TBX21: variants seen among roughly 807,000 people sequenced by gnomAD.
TBX21 encodes the protein T-box transcription factor 21.
A neutral mutation model predicts 52.2 loss-of-function variants in TBX21; 11 were observed. The observed-to-expected ratio is 0.21, with a 90% CI of 0.13 to 0.35. The LOEUF (loss-of-function observed/expected upper bound fraction) is 0.35, where lower values mean the gene tolerates loss of function less well. Among genes scored for constraint, TBX21 ranks in the 10% least tolerant of loss-of-function variants. The pLI is 1.00. For synonymous variants in TBX21, 300 were observed against 316.1 expected, an observed-to-expected ratio of 0.95 and a Z score of 0.54; for missense variants, 625 against 755.1, an observed-to-expected ratio of 0.83 and a Z score of 2.02.
At position 47,745,639 on chromosome 17, in the gene TBX21, G is replaced by A; in HGVS notation, c.*273G>A. 2.7e-6 allele frequency: 1 copy of A among 372,378 alleles called. No individual in the cohort carries two copies. The highest frequency in any genetic ancestry group is 4.8e-6 in the Non-Finnish European group (1 of 209,666). 23.1% of individuals were successfully genotyped at this position (372,378 alleles called of 1,614,324 possible). ...TGCTGCGTCTTGCTTTTGGTTTCCA[G>A]CTGGAGAAAAGAAGACAAGAAAGTC... On this transcript the variant is annotated 3_prime_UTR_variant, in exon 6 of 6. Coordinates refer to ENST00000177694, the MANE Select transcript of TBX21 (RefSeq NM_013351.2).
chr17:47,734,654 C>T (rs2032188415), intron 1 of TBX21, among the ~76,000 whole-genome samples: 1 of 141,646 alleles, frequency 7.1e-6, no homozygotes, highest in Admixed American at 7.2e-5. Context: ...TGCAGTAAAG[C>T]TTGTAGGGGG....
At position 47,734,046 on chromosome 17, in the gene TBX21, C is replaced by T. The variant is rs1489676551; in HGVS notation, c.491+101C>T. ...CGACAATGCTTCTGACTCCGTGTCC[C>T]TCACTGCTTTGGCTTCAGCGTAGGG... On this transcript the variant is annotated intron_variant, in intron 1 of 5. Transcript: ENST00000177694. 4.4e-6 allele frequency: 7 copies of T among 1,577,838 alleles called. No homozygotes were observed. In the East Asian group the frequency reaches 1.4e-4, roughly 31 times the overall value.
intron 3 of TBX21, among the ~76,000 whole-genome samples, chr17:47,743,964 A>G (rs952822784): frequency 3.3e-5 from 5 of 152,054 alleles, no homozygotes; most frequent in East Asian, 1.9e-4. Flanking sequence ...CTTGGTCTCA[A>G]TTGACATCTG....
chr17:47,741,939 G>A (rs187866068), intron 1 of TBX21, among the ~76,000 whole-genome samples: 37 of 152,258 alleles, frequency 2.4e-4, no homozygotes, highest in Admixed American at 7.2e-4. Context: ...ACACAGAGCC[G>A]GGAAGAGACT....
intron 1 of TBX21, 152 bp downstream of exon 1, chr17:47,734,097 G>A (rs929993428): frequency 4.4e-6 from 6 of 1,356,484 alleles, no homozygotes; most frequent in South Asian, 2.5e-5. Flanking sequence ...GTTGTTAGGA[G>A]GACAGGGAAA....
In TBX21 at chr17:47,743,204, T is replaced by C. The variant is rs1349122493; in HGVS notation, c.768+12T>C. 3 of 1,613,802 alleles carry C rather than the reference T, an allele frequency of 1.9e-6. No individual in the cohort carries two copies. Among genetic ancestry groups the C allele is most frequent in the Non-Finnish European group, 2.5e-6 (3 of 1,179,836 alleles). ...ACAATGTGACCCAGGTAGGACCTGC[T>C]CTTCAAAAGGTAGCCTCGCCCTGCT... On this transcript the variant is annotated intron_variant, in intron 3 of 5. Coordinates refer to ENST00000177694, the MANE Select transcript of TBX21 (RefSeq NM_013351.2).
chr17:47,734,552 CTGGTGTGT>C (rs2032181070), intron 1 of TBX21, among the ~76,000 whole-genome samples: 1 of 114,288 alleles, frequency 8.7e-6, no homozygotes, highest in African/African-American at 3.4e-5. Flanking sequence ...GATCATATGT[CTGGTGTGT>C]GTGTGTGTGT....
intron 1 of TBX21, among the ~76,000 whole-genome samples, chr17:47,741,485 A>G (rs1211797996): frequency 6.6e-6 from 1 of 152,166 alleles, no homozygotes; most frequent in Admixed American, 6.5e-5. Context: ...TCCTGGAAAC[A>G]AGGACTTTGA....
chr17:47,744,112 C>G, intron 3 of TBX21, 83 bp from the exon 4 acceptor site: 1 of 1,550,688 alleles, frequency 6.4e-7, no homozygotes. Context: ...GCTAGCCTCA[C>G]GTGGGGCCAG....
At position 47,745,238 on chromosome 17, in the gene TBX21, G is replaced by C; in HGVS notation, c.1480G>C (p.Glu494Gln). The change falls in exon 6 of 6, where the codon GAA becomes CAA. Residue 494 changes from glutamate to glutamine, a missense_variant. Transcript: ENST00000177694. ...RPESSDSGLG[E>Q]GDSKRRRVSP... is the part of the protein sequence containing the mutation. ...GGAATCCAGTGATTCAGGACTGGGCGAAGGAGACTCTAAGAGGAGGCGCGT... is the reference window on the plus strand; with the variant it reads ...GGAATCCAGTGATTCAGGACTGGGCCAAGGAGACTCTAAGAGGAGGCGCGT... The C allele has an allele frequency of 6.2e-7, 1 of 1,614,278 alleles. No individual in the cohort carries two copies. Among genetic ancestry groups the C allele is most frequent in the South Asian group, 1.1e-5 (1 of 91,088 alleles).
intron 1 of TBX21, among the ~76,000 whole-genome samples, chr17:47,735,381 C>T (rs937687552): frequency 3.3e-5 from 5 of 152,246 alleles, no homozygotes; most frequent in African/African-American, 1.2e-4. Context: ...TCTCTTAAGC[C>T]TTCTGATAAT....
chr17:47,739,693 C>A (rs377164332), intron 1 of TBX21, among the ~76,000 whole-genome samples: 1 of 151,226 alleles, frequency 6.6e-6, no homozygotes, highest in South Asian at 2.1e-4. Context: ...ACCTTGGAGG[C>A]GGAGCTTGCA....
intron 1 of TBX21, among the ~76,000 whole-genome samples, chr17:47,739,392 A>C (rs2032242810): frequency 6.6e-6 from 1 of 151,598 alleles, no homozygotes; most frequent in Non-Finnish European, 1.5e-5. Flanking sequence ...TCGGGAGGCC[A>C]AGGCAGGAGG....
At position 47,742,550 on chromosome 17, in the gene TBX21, G is replaced by C. The variant is rs1236880782; in HGVS notation, c.492-60G>C. 2.8e-5 allele frequency: 43 copies of C among 1,518,562 alleles called. No individual in the cohort carries two copies. Among genetic ancestry groups the C allele is most frequent in the Non-Finnish European group, 3.7e-5 (42 of 1,128,336 alleles). 94.1% of individuals were successfully genotyped at this position (1,518,562 alleles called of 1,614,324 possible). ...CACTGATGCCTGGGCACTGTTGCAG[G>C]GGGGACTGGCTGTCAAGCTGGAGCT... On this transcript the variant is annotated intron_variant, in intron 1 of 5. Transcript: ENST00000177694. The surrounding 1 kb of genome is among the most constrained non-coding windows in gnomAD (Gnocchi z 4.4).
intron 1 of TBX21, among the ~76,000 whole-genome samples, chr17:47,734,778 C>T (rs2032189648): frequency 6.6e-6 from 1 of 151,844 alleles, no homozygotes; most frequent in Admixed American, 6.6e-5. Context: ...CCAGTGAAAA[C>T]CTTCCCCACA....
chr17:47,738,359 A>C (rs910356530), intron 1 of TBX21, among the ~76,000 whole-genome samples: 1 of 150,656 alleles, frequency 6.6e-6, no homozygotes, highest in Non-Finnish European at 1.5e-5. Flanking sequence ...GGGTCTCACT[A>C]TGTTGCCCAG....
Position 47,733,479 on chromosome 17 carries a change from G to A in TBX21, c.25G>A (p.Gly9Arg). Residue 9 changes from glycine to arginine, a missense_variant, in exon 1 of 6, where the codon GGA (glycine) becomes AGA (arginine). This residue lies in a region of TBX21 where 221 missense variants were observed against 204.9 expected (regional missense o/e 1.08). Coordinates refer to ENST00000177694, the MANE Select transcript of TBX21 (RefSeq NM_013351.2). The surrounding 1 kb of genome is among the most constrained non-coding windows in gnomAD (Gnocchi z 6.6). MGIVEPGCGDMLTGTEPMP... is the reference protein window; with the variant it reads MGIVEPGCRDMLTGTEPMP... The stretch of plus-strand genomic sequence containing the variant: ...GATGGGCATCGTGGAGCCGGGTTGC[G>A]GAGACATGCTGACGGGCACCGAGCC... 1 of 1,492,246 alleles carries A rather than the reference G, an allele frequency of 6.7e-7. No individual in the cohort carries two copies. Among genetic ancestry groups the A allele is most frequent in the Non-Finnish European group, 8.9e-7 (1 of 1,127,072 alleles). 92.4% of individuals were successfully genotyped at this position (1,492,246 alleles called of 1,614,324 possible).
rs571185138 is a variant in TBX21 at position 47,740,229 on chromosome 17, G to A, written c.492-2381G>A. ...CTACAGGTGCATGCCACCACACCAG[G>A]CTAATTTTCTGTATTTTTAGTAAAT... is the stretch of plus-strand genomic sequence containing the variant. On this transcript the variant is annotated intron_variant, in intron 1 of 5. Coordinates refer to ENST00000177694, the MANE Select transcript of TBX21 (RefSeq NM_013351.2). Among the ~76,000 whole-genome samples the A allele has an allele frequency of 3.3e-5, 5 of 151,834 alleles. No homozygotes were observed. The South Asian group carries it at 8.3e-4, about 25-fold the overall frequency.
At chr17:47,735,331 C>G (rs2032196546) in intron 1 of TBX21, among the ~76,000 whole-genome samples, 3 of 152,182 alleles carry the variant, frequency 2.0e-5, no homozygotes, top group Non-Finnish European at 4.4e-5. Flanking sequence ...CTGGGATGAA[C>G]CCAGGAAAGT....
Sources: allele counts gnomAD v4.1 joint callset (sites outside exome capture counted in the v4.1 genomes callset), GRCh38; gene constraint gnomAD v4.1.1; regional missense constraint gnomAD v4.1.1; non-coding constraint Gnocchi (gnomAD v3.1); transcripts MANE v1.5; gene names NCBI Gene and HGNC (gene_info 2026-07-23, HGNC 2026-07-21).